The following SCHIP1 variants were observed in gnomAD, a reference collection of about 807,000 sequenced individuals.
The protein encoded by SCHIP1 is schwannomin-interacting protein 1.
In SCHIP1, 8 loss-of-function variants were observed where a neutral mutation model predicts 29.7. The observed-to-expected ratio is 0.27, with a 90% CI of 0.16 to 0.49. The LOEUF (loss-of-function observed/expected upper bound fraction) is 0.49, where lower values mean the gene tolerates loss of function less well. Among genes scored for constraint, SCHIP1 ranks in the 20% least tolerant of loss-of-function variants. The probability of loss-of-function intolerance (pLI) is 0.99; values close to 1 mark genes in which losing one functional copy is unlikely to be tolerated. For synonymous variants in SCHIP1, 76 were observed against 94.9 expected (o/e 0.80, Z 1.16); for missense variants, 193 against 294.6 (o/e 0.66, Z 2.52).
At chr3:159,589,109 C>T in the SCHIP1 span, among the ~76,000 whole-genome samples, 2 of 152,200 alleles carry the variant, frequency 1.3e-5, no homozygotes, top group South Asian at 4.1e-4. Flanking sequence ...ATGGAATGTT[C>T]TTCCATTCAT....
At chr3:159,791,669 TCA>T in the SCHIP1 span, among the ~76,000 whole-genome samples, 5 of 152,232 alleles carry the variant, frequency 3.3e-5, no homozygotes, top group Non-Finnish European at 7.3e-5. Context: ...GAAACATCCT[TCA>T]CACAGTCTTA....
At chr3:159,627,049 G>A in the SCHIP1 span, among the ~76,000 whole-genome samples, 1 of 152,050 alleles carries the variant, frequency 6.6e-6, no homozygotes, top group Non-Finnish European at 1.5e-5. Context: ...ACCCCGACGG[G>A]CCCCGGTGTG....
At chr3:159,320,607 CT>C in the SCHIP1 span, among the ~76,000 whole-genome samples, 64,588 of 150,276 alleles carry the variant, frequency 0.43, 15,648 homozygotes, top group African/African-American at 0.66. Context: ...TGGTAAGTTC[CT>C]TTTTTTTTTC....
At chr3:159,412,350 G>A in the SCHIP1 span, among the ~76,000 whole-genome samples, 1 of 152,228 alleles carries the variant, frequency 6.6e-6, no homozygotes, top group Non-Finnish European at 1.5e-5. Context: ...GACAGTAGAA[G>A]GAGGCATGAT....
the SCHIP1 span, among the ~76,000 whole-genome samples, chr3:159,337,155 A>C: frequency 2.0e-5 from 3 of 152,152 alleles, no homozygotes; most frequent in Non-Finnish European, 4.4e-5. Flanking sequence ...AACACTTCAT[A>C]CTAAAAACTC....
chr3:159,328,689 G>A, the SCHIP1 span, among the ~76,000 whole-genome samples: 183 of 152,274 alleles, frequency 1.2e-3, 1 homozygote, highest in Admixed American at 9.7e-3. Context: ...AGCCCCAAGA[G>A]GCAGGTGGGC....
Position 159,852,189 on chromosome 3 carries a change from G to C in SCHIP1, c.30+11975G>C, listed in dbSNP as rs565432789. ...AAAGGTTATCTTGAATAGCCTTTTTGCTTTTAGAACTCTGTTCTTAACAGT... is the reference window on the plus strand; with the variant it reads ...AAAGGTTATCTTGAATAGCCTTTTTCCTTTTAGAACTCTGTTCTTAACAGT... On this transcript the variant is annotated intron_variant, in intron 1 of 6. Transcript: ENST00000445224. 2.0e-5 allele frequency among the ~76,000 whole-genome samples: 3 copies of C among 152,270 alleles called. No individual in the cohort carries two copies. The South Asian group carries it at 6.2e-4, about 32-fold the overall frequency.
the SCHIP1 span, among the ~76,000 whole-genome samples, chr3:159,434,684 C>CTAAGATGGGATCA: frequency 6.6e-6 from 1 of 152,152 alleles, no homozygotes; most frequent in Non-Finnish European, 1.5e-5. Flanking sequence ...TTTAGATCAT[C>CTAAGATGGGATCA]TAAGATGGGA....
At chr3:159,399,305 A>G in the SCHIP1 span, among the ~76,000 whole-genome samples, 2 of 152,006 alleles carry the variant, frequency 1.3e-5, no homozygotes, top group South Asian at 2.1e-4. Flanking sequence ...TCTTTATTTC[A>G]TAGTTCTTAT....
the SCHIP1 span, among the ~76,000 whole-genome samples, chr3:159,744,034 G>A: frequency 5.4e-3 from 825 of 152,216 alleles, 3 homozygotes; most frequent in African/African-American, 0.019. Flanking sequence ...ATGAGGAAAA[G>A]CAAGGAATTA....
At chr3:159,635,334 G>A in the SCHIP1 span, among the ~76,000 whole-genome samples, 2 of 152,158 alleles carry the variant, frequency 1.3e-5, no homozygotes, top group African/African-American at 4.8e-5. Flanking sequence ...TGGTAGGGAT[G>A]GGGGGTCTCT....
chr3:159,698,089 C>T, the SCHIP1 span, among the ~76,000 whole-genome samples: 189 of 152,348 alleles, frequency 1.2e-3, no homozygotes, highest in African/African-American at 4.5e-3. Flanking sequence ...TGGTTCCCCT[C>T]ACAGAACTTA....
chr3:159,896,720 CA>C lies in SCHIP1; in HGVS notation c.684-2del. On this transcript the variant is annotated splice_acceptor_variant, in intron 6 of 6. Coordinates refer to ENST00000445224, the Ensembl canonical transcript of SCHIP1. LOFTEE classifies it high-confidence loss of function. ...CTAAATAATTGTATTAATTGTTTTACAGACATGCTGAAAGTCAGCAGAAGCA... is the reference window on the plus strand; with the variant it reads ...CTAAATAATTGTATTAATTGTTTTACGACATGCTGAAAGTCAGCAGAAGCA... 6.2e-7 allele frequency: 1 copy of C among 1,601,020 alleles called. No homozygotes were observed. The highest frequency in any genetic ancestry group is 8.5e-7 in the Non-Finnish European group (1 of 1,175,270).
At chr3:159,390,936 T>G in the SCHIP1 span, among the ~76,000 whole-genome samples, 2 of 152,180 alleles carry the variant, frequency 1.3e-5, no homozygotes, top group African/African-American at 4.8e-5. Context: ...TACCACTTGC[T>G]TTATCCTTTC....
exon 3 of SCHIP1, chr3:159,886,234 A>G: frequency 1.2e-6 from 2 of 1,614,210 alleles, no homozygotes; most frequent in South Asian, 2.2e-5. Flanking sequence ...ACTTGCAGAT[A>G]TGCTTTGTCA....
chr3:159,634,061 G>A, the SCHIP1 span, among the ~76,000 whole-genome samples: 1 of 152,174 alleles, frequency 6.6e-6, no homozygotes, highest in East Asian at 1.9e-4. Flanking sequence ...CATATGAAGG[G>A]ATGGGATATG....
the SCHIP1 span, among the ~76,000 whole-genome samples, chr3:159,424,787 G>A: frequency 6.6e-6 from 1 of 152,146 alleles, no homozygotes; most frequent in African/African-American, 2.4e-5. Context: ...AGGGCAGCCA[G>A]AGAGAAAGGT....
At chr3:159,418,909 T>C in the SCHIP1 span, among the ~76,000 whole-genome samples, 6 of 152,224 alleles carry the variant, frequency 3.9e-5, no homozygotes, top group South Asian at 1.2e-3. Context: ...CCCCAGAATT[T>C]AGTTTGATCA....
chr3:159,569,824 CA>C, the SCHIP1 span, among the ~76,000 whole-genome samples: 1 of 152,184 alleles, frequency 6.6e-6, no homozygotes, highest in African/African-American at 2.4e-5. Flanking sequence ...TCCTCTCCAG[CA>C]TATGTTGTTT....
Sources: allele counts gnomAD v4.1 joint callset (sites outside exome capture counted in the v4.1 genomes callset), GRCh38; gene constraint gnomAD v4.1.1; transcripts MANE v1.5; gene names NCBI Gene and HGNC (gene_info 2026-07-23, HGNC 2026-07-21).